SLC24A2: variants seen among roughly 807,000 people sequenced by gnomAD.
SLC24A2 encodes the protein sodium/potassium/calcium exchanger 2.
SLC24A2 carries 36 observed loss-of-function variants against 62.0 expected under a neutral mutation model. The ratio of observed to expected loss-of-function variants is 0.58; its 90% confidence interval spans 0.44 to 0.77. The LOEUF (loss-of-function observed/expected upper bound fraction) is 0.77, where lower values mean the gene tolerates loss of function less well. SLC24A2 is among the 30% of genes least tolerant of loss of function. The pLI, the probability that SLC24A2 is intolerant of heterozygous loss-of-function variation, is 0.00. For synonymous variants in SLC24A2, 358 were observed against 294.0 expected (o/e 1.22, Z -2.23); for missense variants, 846 against 817.9 (o/e 1.03, Z -0.42).
the SLC24A2 span, among the ~76,000 whole-genome samples, chr9:19,879,478 G>A: frequency 6.6e-5 from 10 of 152,176 alleles, no homozygotes; most frequent in African/African-American, 2.2e-4. Context: ...AAAGGAAATA[G>A]CAAGTTATTT....
At chr9:20,075,109 A>T in the SLC24A2 span, among the ~76,000 whole-genome samples, 3 of 152,152 alleles carry the variant, frequency 2.0e-5, no homozygotes, top group African/African-American at 7.2e-5. Flanking sequence ...TCATGTCACT[A>T]CTTTGGCATT....
chr9:20,249,822 G>A, the SLC24A2 span, among the ~76,000 whole-genome samples: 2 of 151,938 alleles, frequency 1.3e-5, no homozygotes, highest in Non-Finnish European at 2.9e-5. Context: ...TGAGGAAGGA[G>A]TGGTCACAGC....
At chr9:20,228,028 C>A in the SLC24A2 span, among the ~76,000 whole-genome samples, 2 of 152,152 alleles carry the variant, frequency 1.3e-5, no homozygotes, top group Admixed American at 6.5e-5. Flanking sequence ...CCATTGAGGT[C>A]ATTCTTCCAT....
chr9:19,918,422 T>A, the SLC24A2 span, among the ~76,000 whole-genome samples: 2 of 152,016 alleles, frequency 1.3e-5, no homozygotes, highest in African/African-American at 2.4e-5. Flanking sequence ...AAGTATTCTT[T>A]TGTCTTCTAT....
At chr9:19,551,713 G>T (rs1834855490) in intron 7 of SLC24A2, among the ~76,000 whole-genome samples, 1 of 152,196 alleles carries the variant, frequency 6.6e-6, no homozygotes, top group South Asian at 2.1e-4. Flanking sequence ...GAGGTGGCAT[G>T]AGGGGCAGGC....
At chr9:20,099,761 A>G in the SLC24A2 span, among the ~76,000 whole-genome samples, 5 of 152,174 alleles carry the variant, frequency 3.3e-5, no homozygotes, top group East Asian at 7.7e-4. Flanking sequence ...CCTCAATTCT[A>G]TAACTTGTTC....
chr9:19,582,425 C>T (rs770394882), intron 5 of SLC24A2, among the ~76,000 whole-genome samples: 8 of 152,130 alleles, frequency 5.3e-5, no homozygotes, highest in Admixed American at 4.6e-4. Context: ...ACATTCTAAG[C>T]ATCTGCAACA....
chr9:19,929,835 A>G, the SLC24A2 span: 1 of 152,168 alleles, frequency 6.6e-6, no homozygotes, highest in Non-Finnish European at 1.5e-5. Context: ...AATTATACTG[A>G]TGCTCCTGAC....
chr9:19,520,742 T>A lies in SLC24A2; in HGVS notation c.1736+152A>T, dbSNP rs1040131824. On this transcript the variant is annotated intron_variant, in intron 10 of 10. Transcript: ENST00000341998. ...TGAAATGAGAAAATGAGAAATAGAA[T>A]TGGGGAAATGCAATGGTATTCTCAA... 15 of 737,970 alleles carry A rather than the reference T, an allele frequency of 2.0e-5. No individual in the cohort carries two copies. In the African/African-American group the frequency reaches 2.1e-4, roughly 10 times the overall value. 45.7% of individuals were successfully genotyped at this position (737,970 alleles called of 1,614,324 possible).
the SLC24A2 span, among the ~76,000 whole-genome samples, chr9:20,295,441 A>C: frequency 6.6e-6 from 1 of 152,160 alleles, no homozygotes; most frequent in African/African-American, 2.4e-5. Flanking sequence ...TTAAGTACTA[A>C]CTTGACAGAA....
intron 2 of SLC24A2, among the ~76,000 whole-genome samples, chr9:19,746,787 C>T (rs1179828055): frequency 1.3e-5 from 2 of 152,094 alleles, no homozygotes; most frequent in Non-Finnish European, 2.9e-5. Flanking sequence ...TATTTTTAGT[C>T]ACACTTATCT....
At chr9:20,291,281 G>C in the SLC24A2 span, among the ~76,000 whole-genome samples, 2 of 152,160 alleles carry the variant, frequency 1.3e-5, no homozygotes, top group African/African-American at 2.4e-5. Flanking sequence ...ATTCAAAGAG[G>C]AGAACATGCT....
rs1038136033 is a variant in SLC24A2 at position 19,516,419 on chromosome 9, C to T, written c.1737-17G>A. On this transcript the variant is annotated splice_polypyrimidine_tract_variant and intron_variant, in intron 10 of 10. Transcript: ENST00000341998. Reference sequence around the variant, plus strand: ...AGTGGGAGCCTGTGCAGAAGTGAAGCAGGGCAGAGGGGAGTGGGAAGACAA... The same window carrying T: ...AGTGGGAGCCTGTGCAGAAGTGAAGTAGGGCAGAGGGGAGTGGGAAGACAA... The T allele has an allele frequency of 2.5e-6, 4 of 1,612,926 alleles. No homozygotes were observed. The highest frequency in any genetic ancestry group is 3.4e-6 in the Non-Finnish European group (4 of 1,179,756).
At chr9:19,820,058 C>CGTGT in the SLC24A2 span, among the ~76,000 whole-genome samples, 2 of 34,642 alleles carry the variant, frequency 5.8e-5, no homozygotes, top group African/African-American at 1.4e-4. Flanking sequence ...TATATATACA[C>CGTGT]ATATATATAT....
chr9:19,621,442 T>G (rs536951126), intron 3 of SLC24A2, among the ~76,000 whole-genome samples: 5 of 152,368 alleles, frequency 3.3e-5, no homozygotes, highest in African/African-American at 1.2e-4. Context: ...GTATCTTTAT[T>G]ACTAACTCTT....
chr9:20,145,992 G>A, the SLC24A2 span, among the ~76,000 whole-genome samples: 3 of 152,072 alleles, frequency 2.0e-5, no homozygotes, highest in South Asian at 6.2e-4. Flanking sequence ...TGGTTGCATA[G>A]TATGGCATTA....
At chr9:19,677,167 A>G (rs1261982979) in intron 2 of SLC24A2, among the ~76,000 whole-genome samples, 2 of 152,238 alleles carry the variant, frequency 1.3e-5, no homozygotes, top group Admixed American at 6.5e-5. Flanking sequence ...TAGCAAAGAC[A>G]TGGAATCAAC....
chr9:20,078,455 G>A, the SLC24A2 span, among the ~76,000 whole-genome samples: 1 of 152,088 alleles, frequency 6.6e-6, no homozygotes, highest in Non-Finnish European at 1.5e-5. Context: ...TCTCCCCACT[G>A]ACTGAAGTGA....
At chr9:20,290,368 A>G in the SLC24A2 span, among the ~76,000 whole-genome samples, 2 of 152,236 alleles carry the variant, frequency 1.3e-5, no homozygotes, top group African/African-American at 4.8e-5. Flanking sequence ...TTTCTGATGT[A>G]CAGTTTCTTG....
Sources: allele counts gnomAD v4.1 joint callset (sites outside exome capture counted in the v4.1 genomes callset), GRCh38; gene constraint gnomAD v4.1.1; transcripts MANE v1.5; gene names NCBI Gene and HGNC (gene_info 2026-07-23, HGNC 2026-07-21).